ROBO1: variants seen among roughly 807,000 people sequenced by gnomAD.
The protein encoded by ROBO1 is roundabout homolog 1.
In ROBO1, 149 loss-of-function variants were observed where a neutral mutation model predicts 195.9. The observed-to-expected ratio is 0.76, with a 90% CI of 0.67 to 0.87. The LOEUF (loss-of-function observed/expected upper bound fraction) is 0.87, where lower values mean the gene tolerates loss of function less well. Ranked by LOEUF, ROBO1 falls within the 40% of genes least tolerant of loss-of-function variation. The probability of loss-of-function intolerance (pLI) is 0.00; values close to 1 mark genes in which losing one functional copy is unlikely to be tolerated. For missense variants in ROBO1, 1,933 were observed against 2,068.3 expected (o/e 0.93, Z 1.27); for synonymous variants, 816 against 733.2 (o/e 1.11, Z -1.82).
At chr3:78,780,039 A>C (rs1012134114) in intron 4 of ROBO1, among the ~76,000 whole-genome samples, 8 of 152,106 alleles carry the variant, frequency 5.3e-5, no homozygotes, top group Admixed American at 4.6e-4. Context: ...CTCACTCACA[A>C]GGGGGAGTTT....
At chr3:79,080,278 A>T (rs1305976936) in intron 3 of ROBO1, among the ~76,000 whole-genome samples, 3 of 151,916 alleles carry the variant, frequency 2.0e-5, no homozygotes, top group Non-Finnish European at 4.4e-5. Flanking sequence ...GTAGTTTATT[A>T]GTCATTTAGT....
intron 7 of ROBO1, 124 bp from the exon 8 acceptor site, chr3:78,714,648 A>T (rs942424903): frequency 1.2e-6 from 1 of 842,184 alleles, no homozygotes; most frequent in Non-Finnish European, 1.7e-6. Context: ...CAAAGAGTAA[A>T]ACATGGTATT....
chr3:78,657,291 A>C, intron 17 of ROBO1, 22 bp from the exon 18 acceptor site: 1 of 1,611,588 alleles, frequency 6.2e-7, no homozygotes, highest in Non-Finnish European at 8.5e-7. Context: ...ACATCACAAA[A>C]ATCAAGCTGG....
chr3:78,875,283 G>A (rs1371343104), intron 4 of ROBO1, among the ~76,000 whole-genome samples: 1 of 151,940 alleles, frequency 6.6e-6, no homozygotes, highest in Non-Finnish European at 1.5e-5. Flanking sequence ...CATAAATCAT[G>A]ACACCCATTA....
chr3:79,496,387 C>T (rs865786577), intron 2 of ROBO1, among the ~76,000 whole-genome samples: 1 of 112,830 alleles, frequency 8.9e-6, no homozygotes, highest in African/African-American at 3.5e-5. Flanking sequence ...GCGCACCCAT[C>T]TTTTTTTGAG....
chr3:79,691,655 A>T (rs1034392624), intron 1 of ROBO1, among the ~76,000 whole-genome samples: 5 of 151,720 alleles, frequency 3.3e-5, no homozygotes, highest in East Asian at 1.9e-4. Flanking sequence ...GTATTTGGGA[A>T]TTTTTTTTAT....
intron 2 of ROBO1, among the ~76,000 whole-genome samples, chr3:79,343,783 T>C (rs1477649060): frequency 6.6e-6 from 1 of 152,160 alleles, no homozygotes; most frequent in African/African-American, 2.4e-5. Flanking sequence ...AATCTGAGTG[T>C]CCTTTGAGCA....
Position 78,648,311 on chromosome 3 carries a change from A to G in ROBO1, c.2813-656T>C, listed in dbSNP as rs574559432. On this transcript the variant is annotated intron_variant, in intron 19 of 30. Coordinates refer to ENST00000464233, the MANE Select transcript of ROBO1 (RefSeq NM_002941.4). The stretch of plus-strand genomic sequence containing the variant: ...CATAACTGACATTTTTTATCATCAT[A>G]AAAACTTGTGAATGGACAGAAAAAA... Among the ~76,000 whole-genome samples the G allele has an allele frequency of 2.0e-5, 3 of 152,256 alleles. No homozygotes were observed. The East Asian group carries it at 5.8e-4, about 29-fold the overall frequency.
At chr3:79,331,609 T>C (rs548846588) in intron 2 of ROBO1, among the ~76,000 whole-genome samples, 4 of 152,294 alleles carry the variant, frequency 2.6e-5, no homozygotes, top group African/African-American at 7.2e-5. Flanking sequence ...GTAATGATGA[T>C]TGAGAAATTT....
intron 9 of ROBO1, among the ~76,000 whole-genome samples, chr3:78,686,823 CTT>C (rs1437051001): frequency 6.6e-6 from 1 of 152,014 alleles, no homozygotes; most frequent in Admixed American, 6.6e-5. Context: ...TCTTGTTTCT[CTT>C]GTTAATTGGT....
At chr3:78,625,511 A>C (rs1185764252) in intron 26 of ROBO1, among the ~76,000 whole-genome samples, 2 of 152,226 alleles carry the variant, frequency 1.3e-5, no homozygotes, top group Admixed American at 1.3e-4. Flanking sequence ...AACTGGAAAT[A>C]TTGTGGCATT....
chr3:79,529,231 C>A (rs1299556937), intron 2 of ROBO1, among the ~76,000 whole-genome samples: 1 of 151,998 alleles, frequency 6.6e-6, no homozygotes, highest in African/African-American at 2.4e-5. Context: ...GCCTGTAATC[C>A]CAGCATTTTC....
chr3:78,815,919 G>A (rs1209840740), intron 4 of ROBO1, among the ~76,000 whole-genome samples: 1 of 151,872 alleles, frequency 6.6e-6, no homozygotes, highest in South Asian at 2.1e-4. Context: ...AATGCATATA[G>A]AGATACACAG....
intron 4 of ROBO1, 21 bp from the exon 5 acceptor site, chr3:78,746,921 C>CA (rs751452797): frequency 1.3e-6 from 2 of 1,494,702 alleles, no homozygotes; most frequent in East Asian, 4.7e-5. Context: ...AAGATTAAAT[C>CA]ATTATACCCA....
At chr3:79,192,960 A>C (rs2081566848) in intron 2 of ROBO1, among the ~76,000 whole-genome samples, 1 of 151,636 alleles carries the variant, frequency 6.6e-6, no homozygotes, top group South Asian at 2.1e-4. Context: ...GCAGAGATGG[A>C]AAAAAGAAGT....
intron 5 of ROBO1, among the ~76,000 whole-genome samples, chr3:78,739,211 T>C (rs921161922): frequency 6.6e-6 from 1 of 152,206 alleles, no homozygotes; most frequent in Non-Finnish European, 1.5e-5. Flanking sequence ...AGAAAATATT[T>C]TTGAAATTTC....
At chr3:79,128,617 T>A (rs1009266526) in intron 2 of ROBO1, among the ~76,000 whole-genome samples, 3 of 152,000 alleles carry the variant, frequency 2.0e-5, no homozygotes, top group African/African-American at 7.2e-5. Context: ...TACAAACCAA[T>A]AAGGCATCTT....
At chr3:79,707,730 G>A (rs780413382) in intron 1 of ROBO1, among the ~76,000 whole-genome samples, 20 of 152,060 alleles carry the variant, frequency 1.3e-4, no homozygotes, top group Non-Finnish European at 1.9e-4. Context: ...GGATGGTCTC[G>A]ATCTCCTAAT....
At chr3:79,298,366 AC>A (rs2032710331) in intron 2 of ROBO1, among the ~76,000 whole-genome samples, 1 of 151,916 alleles carries the variant, frequency 6.6e-6, no homozygotes, top group Non-Finnish European at 1.5e-5. Context: ...ATGGTCTGTA[AC>A]CCTGGTGAGC....
Sources: allele counts gnomAD v4.1 joint callset (sites outside exome capture counted in the v4.1 genomes callset), GRCh38; gene constraint gnomAD v4.1.1; transcripts MANE v1.5; gene names NCBI Gene and HGNC (gene_info 2026-07-23, HGNC 2026-07-21).